The following WDHD1 variants were observed in gnomAD, a reference collection of about 807,000 sequenced individuals.
WDHD1 encodes WD repeat and HMG-box DNA-binding protein 1.
WDHD1 carries 111 observed loss-of-function variants against 135.4 expected under a neutral mutation model. That is an observed-to-expected ratio of 0.82 (90% CI 0.70 to 0.96). WDHD1 has a LOEUF of 0.96. Among genes scored for constraint, WDHD1 ranks in the 40% least tolerant of loss-of-function variants. The pLI is 0.00. For synonymous variants in WDHD1, 434 were observed against 439.0 expected (o/e 0.99, Z 0.14); for missense variants, 1,351 against 1,336.3 (o/e 1.01, Z -0.17).
chr14:55,000,551 C>G lies in WDHD1; in HGVS notation c.894G>C (p.Gly298=), dbSNP rs1458161629. The change falls in exon 10 of 26, where the codon GGG becomes GGC. Residue 298 remains glycine, a synonymous_variant. Coordinates refer to ENST00000360586, the MANE Select transcript of WDHD1 (RefSeq NM_007086.4). ...TGGGGTCACAAACATTCTCTAGAAG[C>G]CCTAGATTTCCTTCCGCATCAGTAT... ...ISYTDAEGNL[G]LLENVCDPSG... is the part of the protein sequence containing the mutation. 1.9e-6 allele frequency: 3 copies of G among 1,608,342 alleles called. No homozygotes were observed. The South Asian group carries it at 3.3e-5, about 18-fold the overall frequency.
At chr14:54,960,385 C>A (rs6572994) in intron 21 of WDHD1, among the ~76,000 whole-genome samples, 1 of 151,548 alleles carries the variant, frequency 6.6e-6, no homozygotes, top group African/African-American at 2.4e-5. Flanking sequence ...CTTCAGGATG[C>A]TCTCAATCTC....
Position 55,008,700 on chromosome 14 carries a change from C to T in WDHD1, c.361G>A (p.Val121Met). Residue 121 changes from valine (V) to methionine (M), a missense_variant, in exon 5 of 26, where the codon GTG (valine) becomes ATG (methionine). Val to Met is a conservative substitution (Grantham distance 21, BLOSUM62 1). Transcript: ENST00000360586. ...TGTTGGCTGCTATCCATCACATCCA[C>T]AATTTTGACTAGAAAATCACTAAGA... ...AGSSDFLVKI[V>M]DVMDSSQQKT... 2 of 1,611,412 alleles carry T rather than the reference C, an allele frequency of 1.2e-6. No individual in the cohort carries two copies. The highest frequency in any genetic ancestry group is 1.3e-5 in the African/African-American group (1 of 74,832).
rs145955022 is a variant in WDHD1 at position 54,960,108 on chromosome 14, C to A, written c.2701+2390G>T. Among the ~76,000 whole-genome samples the A allele has an allele frequency of 5.3e-3, 812 of 152,292 alleles. 6 individuals carry two copies. Among genetic ancestry groups the A allele is most frequent in the African/African-American group, 0.018 (763 of 41,564 alleles). The stretch of plus-strand genomic sequence containing the variant: ...ACTCTGCCCATTCTTTCTAACATCA[C>A]CATCACCACCCTAGCTCAGGCCCTT... On this transcript the variant is annotated intron_variant, in intron 21 of 25. Transcript: ENST00000360586.
intron 15 of WDHD1, among the ~76,000 whole-genome samples, chr14:54,982,345 A>T (rs2041632703): frequency 6.6e-6 from 1 of 152,204 alleles, no homozygotes; most frequent in Non-Finnish European, 1.5e-5. Flanking sequence ...TAAAAAATTA[A>T]ACATGAATCA....
chr14:54,945,983 T>C (rs1280888079), intron 24 of WDHD1, among the ~76,000 whole-genome samples: 1 of 152,174 alleles, frequency 6.6e-6, no homozygotes, highest in African/African-American at 2.4e-5. Flanking sequence ...ATTTGCCCAA[T>C]TTCTGAAAAT....
rs569277893 is a variant in WDHD1 at position 54,941,454 on chromosome 14, A to C, written c.*36T>G. The C allele has an allele frequency of 1.3e-6, 2 of 1,560,680 alleles. No individual in the cohort carries two copies. The highest frequency in any genetic ancestry group is 2.0e-5 in the Admixed American group (1 of 49,762). ...AGTCTATATTCAAAGATGAGTAAAA[A>C]AAAATCCATTACTTCCCTAGGGTCA... On this transcript the variant is annotated 3_prime_UTR_variant, in exon 26 of 26. Transcript: ENST00000360586.
chr14:54,947,395 T>A (rs1462518513), intron 24 of WDHD1, among the ~76,000 whole-genome samples: 1 of 152,042 alleles, frequency 6.6e-6, no homozygotes, highest in Non-Finnish European at 1.5e-5. Context: ...TTTTCTTAAA[T>A]AAAATTTTCA....
chr14:55,000,365 T>G, intron 10 of WDHD1, 138 bp downstream of exon 10: 1 of 887,948 alleles, frequency 1.1e-6, no homozygotes. Flanking sequence ...GTTTTCTTAC[T>G]ATAGATTACT....
At chr14:54,973,866 A>G (rs1324346306) in intron 16 of WDHD1, among the ~76,000 whole-genome samples, 1 of 152,186 alleles carries the variant, frequency 6.6e-6, no homozygotes, top group Non-Finnish European at 1.5e-5. Flanking sequence ...TTATTAAGTT[A>G]CTTTCTAAGC....
In WDHD1 at chr14:54,955,545, T is replaced by G. The variant is rs1198645213; in HGVS notation, c.3050+16A>C. On this transcript the variant is annotated intron_variant, in intron 24 of 25. Transcript: ENST00000360586. ...TTTACTTGGTCACTGCATGCTAAAT[T>G]TCTCTATGTACTGACCTTTGGTTTT... 1 of 1,508,676 alleles carries G rather than the reference T, an allele frequency of 6.6e-7. No homozygotes were observed. The highest frequency in any genetic ancestry group is 1.4e-5 in the South Asian group (1 of 72,754). 93.5% of individuals were successfully genotyped at this position (1,508,676 alleles called of 1,614,324 possible). A position where few individuals can be genotyped will look rare whatever the true frequency, so the allele number is the denominator to read the frequency against.
At chr14:54,980,453 T>C (rs918119109) in intron 16 of WDHD1, among the ~76,000 whole-genome samples, 1 of 152,142 alleles carries the variant, frequency 6.6e-6, no homozygotes, top group African/African-American at 2.4e-5. Context: ...CAATGTATCA[T>C]TTTATACATA....
At chr14:55,006,060 T>C (rs1314979792) in intron 7 of WDHD1, among the ~76,000 whole-genome samples, 1 of 152,008 alleles carries the variant, frequency 6.6e-6, no homozygotes, top group Non-Finnish European at 1.5e-5. Context: ...GACGAGGTCT[T>C]GCTATGTTGC....
rs1489528427 is a variant in WDHD1, at chr14:54,940,795, G to A, written c.*695C>T. 7.2e-5 allele frequency: 11 copies of A among 152,042 alleles called. No individual in the cohort carries two copies. The highest frequency in any genetic ancestry group is 2.9e-5 in the Non-Finnish European group (2 of 68,044). The allele number at this position is 152,042 out of a possible 1,614,324, so 9.4% of individuals were successfully genotyped here. A position where few individuals can be genotyped will look rare whatever the true frequency, so the allele number is the denominator to read the frequency against. The stretch of plus-strand genomic sequence containing the variant: ...TACTGTGTATAATGCAGAGCAAAAT[G>A]GGGGTGGTGGTAGAAATTATGGTAG... On this transcript the variant is annotated 3_prime_UTR_variant, in exon 26 of 26. Transcript: ENST00000360586.
intron 2 of WDHD1, among the ~76,000 whole-genome samples, chr14:55,021,240 CA>C (rs1366602508): frequency 2.0e-5 from 3 of 152,192 alleles, no homozygotes; most frequent in African/African-American, 7.2e-5. Context: ...AAGTCAAAAG[CA>C]GTCTTGAATA....
In WDHD1 at chr14:54,987,133, GA is replaced by G; in HGVS notation, c.1768+12del. The G allele has an allele frequency of 6.2e-7, 1 of 1,610,748 alleles. No homozygotes were observed. Among genetic ancestry groups the G allele is most frequent in the South Asian group, 1.1e-5 (1 of 90,212 alleles). On this transcript the variant is annotated intron_variant, in intron 14 of 25. Coordinates refer to ENST00000360586, the MANE Select transcript of WDHD1 (RefSeq NM_007086.4). ...ATTTTACTTCAAGTCATAAAAGACT[GA>G]AAAAAATCTACCTCTGTGATAAACA...
Position 54,941,427 on chromosome 14 carries a change from C to T in WDHD1, c.*63G>A, listed in dbSNP as rs979292457. ...ATATATAATGAGTTTCCCAAAGACTCGAGTCTATATTCAAAGATGAGTAAA... is the reference window on the plus strand; with the variant it reads ...ATATATAATGAGTTTCCCAAAGACTTGAGTCTATATTCAAAGATGAGTAAA... On this transcript the variant is annotated 3_prime_UTR_variant, in exon 26 of 26. Coordinates refer to ENST00000360586, the MANE Select transcript of WDHD1 (RefSeq NM_007086.4). 53 of 1,378,034 alleles carry T rather than the reference C, an allele frequency of 3.8e-5. 1 individual carries two copies. Among genetic ancestry groups the T allele is most frequent in the African/African-American group, 5.8e-5 (4 of 68,538 alleles). 85.4% of individuals were successfully genotyped at this position (1,378,034 alleles called of 1,614,324 possible).
chr14:54,980,167 G>A (rs1161414297), intron 16 of WDHD1, among the ~76,000 whole-genome samples: 1 of 151,122 alleles, frequency 6.6e-6, no homozygotes, highest in African/African-American at 2.4e-5. Context: ...TCTACAAAAA[G>A]TAGCTGGGTG....
At chr14:54,943,028 T>TTA (rs1443354862) in intron 25 of WDHD1, among the ~76,000 whole-genome samples, 2 of 152,206 alleles carry the variant, frequency 1.3e-5, no homozygotes, top group African/African-American at 4.8e-5. Flanking sequence ...GGCTTCCTCA[T>TTA]TATGCAACAC....
chr14:54,939,899 T>C lies in WDHD1; in HGVS notation c.*1591A>G, dbSNP rs1337148183. 1 of 152,192 alleles carries C rather than the reference T, an allele frequency of 6.6e-6. No homozygotes were observed. The highest frequency in any genetic ancestry group is 1.9e-4 in the East Asian group (1 of 5,198). The allele number at this position is 152,192 out of a possible 1,614,324, so 9.4% of individuals were successfully genotyped here. A position where few individuals can be genotyped will look rare whatever the true frequency, so the allele number is the denominator to read the frequency against. ...TTTATATCAACCTAGTATTATAAAA[T>C]ATATACAAAGCAAGTTGAGGAACCA... On this transcript the variant is annotated 3_prime_UTR_variant, in exon 26 of 26. Transcript: ENST00000360586.
Sources: allele counts gnomAD v4.1 joint callset (sites outside exome capture counted in the v4.1 genomes callset), GRCh38; gene constraint gnomAD v4.1.1; transcripts MANE v1.5; gene names NCBI Gene and HGNC (gene_info 2026-07-23, HGNC 2026-07-21).